EPG5: variants seen among roughly 807,000 people sequenced by gnomAD.
The protein encoded by EPG5 is ectopic P granules protein 5 homolog.
EPG5 carries 159 observed loss-of-function variants against 302.7 expected under a neutral mutation model. The observed-to-expected ratio is 0.53, with a 90% CI of 0.46 to 0.60. The LOEUF (loss-of-function observed/expected upper bound fraction) is 0.60. Ranked by LOEUF, EPG5 falls within the 20% of genes least tolerant of loss-of-function variation. The pLI, the probability that EPG5 is intolerant of heterozygous loss-of-function variation, is 0.00. For missense variants in EPG5, 2,896 were observed against 3,092.4 expected (o/e 0.94, Z 1.51); for synonymous variants, 1,158 against 1,136.8 (o/e 1.02, Z -0.37).
Position 45,943,324 on chromosome 18 carries a change from C to T in EPG5, c.1793-13G>A. 1 of 1,607,162 alleles carries T rather than the reference C, an allele frequency of 6.2e-7. No homozygotes were observed. Among genetic ancestry groups the T allele is most frequent in the Non-Finnish European group, 8.5e-7 (1 of 1,174,816 alleles). On this transcript the variant is annotated splice_polypyrimidine_tract_variant and intron_variant, in intron 8 of 43. Coordinates refer to ENST00000282041, the MANE Select transcript of EPG5 (RefSeq NM_020964.3). ...GGTAAATAATCACCTAGAAGTTAAT[C>T]AGATAAAAGAAAAAAATCATAGTTA...
intron 21 of EPG5, among the ~76,000 whole-genome samples, 186 bp from the exon 22 acceptor site, chr18:45,912,642 G>A (rs746931871): frequency 2.6e-5 from 4 of 152,194 alleles, no homozygotes; most frequent in Admixed American, 6.5e-5. Context: ...TTGGTAGCAA[G>A]ACATGTAGGG....
rs2050022757 is a variant in EPG5, at chr18:45,916,036, T to A, written c.3555A>T (p.Ile1185=). The A allele has an allele frequency of 6.2e-7, 1 of 1,613,230 alleles. No individual in the cohort carries two copies. The highest frequency in any genetic ancestry group is 8.5e-7 in the Non-Finnish European group (1 of 1,179,840). ...TATGTTGTTGGTAGAGTAATTTCTG[T>A]ATGCAGTCTTCCTGCATCAGCTGAA... The part of the protein sequence containing the change: ...AAFQLMQEDC[I]QKLLYQQHKN... Residue 1185 remains isoleucine, a synonymous_variant, in exon 19 of 44, where the codon ATA becomes ATT. Coordinates refer to ENST00000282041, the MANE Select transcript of EPG5 (RefSeq NM_020964.3).
Position 45,954,017 on chromosome 18 carries a change from T to A in EPG5, c.1008+377A>T, listed in dbSNP as rs1161238680. 6 of 647,984 alleles carry A rather than the reference T, an allele frequency of 9.3e-6. No homozygotes were observed. In the Admixed American group the frequency reaches 1.9e-4, roughly 20 times the overall value. 40.1% of individuals were successfully genotyped at this position (647,984 alleles called of 1,614,324 possible). A position where few individuals can be genotyped will look rare whatever the true frequency, so the allele number is the denominator to read the frequency against. ...GCTTGGCCTACACTGTCTGTATGTG[T>A]CTGATTAGTTGCTAACATTTGCAAA... On this transcript the variant is annotated intron_variant, in intron 2 of 43. Coordinates refer to ENST00000282041, the MANE Select transcript of EPG5 (RefSeq NM_020964.3).
chr18:45,953,373 A>G (rs1001082646), intron 2 of EPG5: 2 of 984,832 alleles, frequency 2.0e-6, no homozygotes, highest in African/African-American at 3.5e-5. Flanking sequence ...TACACACTCC[A>G]CCAGCTGTGT....
intron 1 of EPG5, among the ~76,000 whole-genome samples, chr18:45,960,565 A>G (rs1335362661): frequency 6.6e-6 from 1 of 152,252 alleles, no homozygotes; most frequent in African/African-American, 2.4e-5. Context: ...GAGAAACAAT[A>G]ATGAGTAAAT....
chr18:45,856,265 TTA>T (rs1374798240), intron 42 of EPG5, among the ~76,000 whole-genome samples: 5 of 152,204 alleles, frequency 3.3e-5, no homozygotes, highest in Admixed American at 6.5e-5. Context: ...CTTGAAAACT[TTA>T]TGTTAAGTGA....
chr18:45,949,084 A>T (rs1381006358), intron 5 of EPG5, among the ~76,000 whole-genome samples: 1 of 152,134 alleles, frequency 6.6e-6, no homozygotes, highest in African/African-American at 2.4e-5. Context: ...TAGACCTGAG[A>T]TCTCTGCTAA....
At chr18:45,929,079 AT>A in intron 12 of EPG5, 70 bp from the exon 13 acceptor site, 3 of 1,455,956 alleles carry the variant, frequency 2.1e-6, no homozygotes, top group Non-Finnish European at 2.8e-6. Flanking sequence ...CACTTATATC[AT>A]TTTTTCAAGC....
chr18:45,910,485 AAAC>A (rs1172734925), intron 23 of EPG5, 33 bp downstream of exon 23: 1 of 1,510,606 alleles, frequency 6.6e-7, no homozygotes, highest in East Asian at 2.3e-5. Context: ...CCTGTGCTGC[AAAC>A]AACAATGTAG....
chr18:45,827,848 C>T, the EPG5 span, among the ~76,000 whole-genome samples: 15 of 152,188 alleles, frequency 9.9e-5, no homozygotes, highest in Non-Finnish European at 1.6e-4. Context: ...ATCAGCAAGA[C>T]ACAAAGGATT....
rs2048850060 is a variant in EPG5, at chr18:45,870,621, T to C, written c.6171A>G (p.Lys2057=). The C allele has an allele frequency of 3.1e-6, 5 of 1,614,030 alleles. No individual in the cohort carries two copies. Among genetic ancestry groups the C allele is most frequent in the Non-Finnish European group, 4.2e-6 (5 of 1,179,950 alleles). The change falls in exon 36 of 44, where the codon AAA becomes AAG. Residue 2057 remains lysine (K), a synonymous_variant. Transcript: ENST00000282041. ...CAGGGTGCAGGTCCTTCCATGGCAG[T>C]TTCCGGTACGTGCTATGGAAAGCGT... ...ILYAFHSTYR[K]LPWKDLHPDQ... is the part of the protein sequence containing the mutation.
chr18:45,899,119 A>T (rs1352271991), intron 27 of EPG5, among the ~76,000 whole-genome samples: 1 of 151,862 alleles, frequency 6.6e-6, no homozygotes, highest in African/African-American at 2.4e-5. Flanking sequence ...GTTTCAAAAA[A>T]CAAACAAACA....
At chr18:45,830,268 G>C in the EPG5 span, among the ~76,000 whole-genome samples, 1 of 152,170 alleles carries the variant, frequency 6.6e-6, no homozygotes, top group African/African-American at 2.4e-5. Flanking sequence ...GCTGGTGTAG[G>C]CTCCCCAGCT....
Position 45,952,169 on chromosome 18 carries a change from G to A in EPG5, c.1252+231C>T, listed in dbSNP as rs755446613. 7.2e-5 allele frequency among the ~76,000 whole-genome samples: 11 copies of A among 152,220 alleles called. No homozygotes were observed. In the East Asian group the frequency reaches 2.1e-3, roughly 29 times the overall value. On this transcript the variant is annotated intron_variant, in intron 3 of 43. Coordinates refer to ENST00000282041, the MANE Select transcript of EPG5 (RefSeq NM_020964.3). ...TTAATGATAGATAGTGAGCTTTTTGGCATCCTAGAGAAGCAGAGAAAGACA... is the reference window on the plus strand; with the variant it reads ...TTAATGATAGATAGTGAGCTTTTTGACATCCTAGAGAAGCAGAGAAAGACA...
At position 45,959,869 on chromosome 18, in the gene EPG5, C is replaced by T. The variant is rs142757441; in HGVS notation, c.64-4531G>A. On this transcript the variant is annotated intron_variant, in intron 1 of 43. Transcript: ENST00000282041. ...TGGCAGGTGCCTGTAATCCCAGCTA[C>T]TTGGGAAGCTGAAGCAAGAGAATCA... 4.5e-3 allele frequency among the ~76,000 whole-genome samples: 683 copies of T among 152,152 alleles called. 9 individuals carry two copies. The highest frequency in any genetic ancestry group is 3.9e-3 in the Admixed American group (60 of 15,288).
the EPG5 span, among the ~76,000 whole-genome samples, chr18:45,835,215 A>T: frequency 6.6e-6 from 1 of 152,230 alleles, no homozygotes; most frequent in Non-Finnish European, 1.5e-5. Flanking sequence ...TTGAGCAGCC[A>T]AAACAAAAGG....
chr18:45,933,975 G>A lies in EPG5; in HGVS notation c.2257+834C>T, dbSNP rs188874144. ...CTAATTAAATGGTGTTTTTCATTTC[G>A]AACATTATAATTTTGTTATAAGTAA... On this transcript the variant is annotated intron_variant, in intron 11 of 43. Transcript: ENST00000282041. 3.1e-3 allele frequency among the ~76,000 whole-genome samples: 467 copies of A among 151,664 alleles called. 2 individuals are homozygous for A. Among genetic ancestry groups the A allele is most frequent in the South Asian group, 0.013 (64 of 4,800 alleles).
In EPG5 at chr18:45,867,257, C is replaced by T. The variant is rs12961975; in HGVS notation, c.6412-250G>A. 0.79 allele frequency among the ~76,000 whole-genome samples: 120,511 copies of T among 152,172 alleles called. 48,496 individuals are homozygous for T. Among genetic ancestry groups the T allele is most frequent in the African/African-American group, 0.93 (38,610 of 41,536 alleles). On this transcript the variant is annotated intron_variant, in intron 37 of 43. Transcript: ENST00000282041. The stretch of plus-strand genomic sequence containing the variant: ...AGGTTCTTTTCTTTCAAAAGAACTC[C>T]CTGTTCTGGTGGGACATGCCAAAAT...
In EPG5 at chr18:45,923,278, C is replaced by A; in HGVS notation, c.2828G>T (p.Ser943Ile). ...AAGAGAAGGAAATACCTGCTTCATA[C>A]TTTCAGAGAGAATCCCAGCATATGG... ...QKPYAGILSESMKQVSYLASI... is the reference protein window; with the variant it reads ...QKPYAGILSEIMKQVSYLASI... Residue 943 changes from serine to isoleucine, a missense_variant, in exon 15 of 44, where the codon AGT (serine) becomes ATT (isoleucine). This residue lies in a region of EPG5 where 1,390 missense variants were observed against 1,430.0 expected (regional missense o/e 0.97). Coordinates refer to ENST00000282041, the MANE Select transcript of EPG5 (RefSeq NM_020964.3). The A allele has an allele frequency of 6.2e-7, 1 of 1,613,632 alleles. No individual in the cohort carries two copies. The highest frequency in any genetic ancestry group is 8.5e-7 in the Non-Finnish European group (1 of 1,179,846).
Sources: gnomAD v4.1 joint callset for allele counts (sites outside exome capture counted in the v4.1 genomes callset) on GRCh38, gnomAD v4.1.1 for gene constraint, gnomAD v4.1.1 regional missense constraint, MANE v1.5 for transcripts, NCBI Gene and HGNC (gene_info 2026-07-23, HGNC 2026-07-21) for gene names.